CD109: variants seen among roughly 807,000 people sequenced by gnomAD.
The protein encoded by CD109 is CD109 molecule.
CD109 carries 149 observed loss-of-function variants against 165.8 expected under a neutral mutation model. The ratio of observed to expected loss-of-function variants is 0.90; its 90% CI spans 0.79 to 1.03. The LOEUF (loss-of-function observed/expected upper bound fraction) is 1.03. Ranked by LOEUF, CD109 falls within the 50% of genes least tolerant of loss-of-function variation. The pLI, the probability that CD109 is intolerant of heterozygous loss-of-function variation, is 0.00. For missense variants in CD109, 1,712 were observed against 1,677.8 expected, an observed-to-expected ratio of 1.02 and a Z score of -0.36; for synonymous variants, 585 against 592.1, an observed-to-expected ratio of 0.99 and a Z score of 0.18.
In CD109 at chr6:73,737,959, TCCAC is replaced by T. The variant is rs1772609682; in HGVS notation, c.633+1465_633+1468del. Among the ~76,000 whole-genome samples the T allele has an allele frequency of 2.6e-5, 4 of 152,290 alleles. No homozygotes were observed. In the South Asian group the frequency reaches 8.3e-4, roughly 32 times the overall value. On this transcript the variant is annotated intron_variant, in intron 5 of 32. Coordinates refer to ENST00000287097, the MANE Select transcript of CD109 (RefSeq NM_133493.5). ...GTCCATCCATCCATCGATCCTTCTA[TCCAC>T]CCACCCACCCACCAACCCAGTATGT...
intron 2 of CD109, among the ~76,000 whole-genome samples, chr6:73,721,861 C>T (rs901172711): frequency 6.6e-6 from 1 of 152,020 alleles, no homozygotes; most frequent in Non-Finnish European, 1.5e-5. Context: ...CTCAGCTTCC[C>T]AAGTAGCTGG....
At chr6:73,686,004 T>C in the CD109 span, among the ~76,000 whole-genome samples, 68 of 152,372 alleles carry the variant, frequency 4.5e-4, 3 homozygotes, top group South Asian at 0.013. Context: ...ATTCCTGATC[T>C]TAAAGGATAA....
At position 73,811,238 on chromosome 6, in the gene CD109, A is replaced by C. The variant is rs1775749911; in HGVS notation, c.3702+91A>C. On this transcript the variant is annotated intron_variant, in intron 28 of 32. Coordinates refer to ENST00000287097, the MANE Select transcript of CD109 (RefSeq NM_133493.5). ...ATTTGTAATCTGTTGATTTCAACAA[A>C]GACTTGTTTCCAGAGCTCTGTAGAG... 30 of 1,405,870 alleles carry C rather than the reference A, an allele frequency of 2.1e-5. No individual in the cohort carries two copies. The South Asian group carries it at 4.2e-4, about 20-fold the overall frequency. 87.1% of individuals were successfully genotyped at this position (1,405,870 alleles called of 1,614,324 possible). A position where few individuals can be genotyped will look rare whatever the true frequency, so the allele number is the denominator to read the frequency against.
At position 73,823,563 on chromosome 6, in the gene CD109, C is replaced by G. The variant is rs528793943; in HGVS notation, c.4268C>G (p.Ser1423Cys). 1.9e-6 allele frequency: 3 copies of G among 1,613,770 alleles called. No individual in the cohort carries two copies. The South Asian group carries it at 3.3e-5, about 18-fold the overall frequency. Residue 1423 changes from serine to cysteine, a missense_variant, in exon 33 of 33, where the codon TCC (serine) becomes TGC (cysteine). Coordinates refer to ENST00000287097, the MANE Select transcript of CD109 (RefSeq NM_133493.5). ...CRPCEDGASGSHHHSSVIFIF... is the reference protein window; with the variant it reads ...CRPCEDGASGCHHHSSVIFIF... ...CCTTGTGAGGATGGAGCTTCAGGCT[C>G]CCATCATCACTCTTCAGTCATTTTT...
intron 23 of CD109, among the ~76,000 whole-genome samples, chr6:73,799,047 A>G (rs1775273512): frequency 6.6e-6 from 1 of 151,716 alleles, no homozygotes; most frequent in Non-Finnish European, 1.5e-5. Context: ...AACTCTGGCT[A>G]TCTGGAGAAT....
At chr6:73,719,430 G>A (rs543684566) in intron 2 of CD109, among the ~76,000 whole-genome samples, 1 of 152,078 alleles carries the variant, frequency 6.6e-6, no homozygotes, top group Non-Finnish European at 1.5e-5. Flanking sequence ...TGAATTCCAC[G>A]ATTCCTTCTA....
At chr6:73,768,252 G>A (rs752519816) in intron 14 of CD109, 21 bp downstream of exon 14, 13 of 1,439,874 alleles carry the variant, frequency 9.0e-6, no homozygotes, top group Middle Eastern at 2.3e-4. Context: ...AGGTAATGAT[G>A]TTTAAAAGAA....
intron 2 of CD109, among the ~76,000 whole-genome samples, 172 bp downstream of exon 2, chr6:73,697,744 C>G (rs1453924687): frequency 6.6e-6 from 1 of 152,178 alleles, no homozygotes; most frequent in Admixed American, 6.5e-5. Flanking sequence ...GATGCTCTTC[C>G]AAGTGCAGAT....
At chr6:73,791,168 TATATATATAC>T (rs1194613752) in intron 22 of CD109, among the ~76,000 whole-genome samples, 1,475 of 45,292 alleles carry the variant, frequency 0.033, 22 homozygotes, top group Non-Finnish European at 0.043. Context: ...TATATATATA[TATATATATAC>T]ACACACACAC....
chr6:73,750,639 C>G (rs531802813), intron 5 of CD109, among the ~76,000 whole-genome samples: 2 of 152,122 alleles, frequency 1.3e-5, no homozygotes, highest in South Asian at 2.1e-4. Flanking sequence ...ATATAATAGT[C>G]TACAACTTCT....
intron 2 of CD109, among the ~76,000 whole-genome samples, chr6:73,722,572 C>T (rs906054780): frequency 3.9e-5 from 6 of 152,276 alleles, no homozygotes; most frequent in South Asian, 2.1e-4. Context: ...CTAGTTTTTA[C>T]GGGGCCTATT....
At chr6:73,812,433 A>G (rs563159204) in intron 29 of CD109, among the ~76,000 whole-genome samples, 163 bp downstream of exon 29, 2 of 152,218 alleles carry the variant, frequency 1.3e-5, no homozygotes, top group South Asian at 4.1e-4. Context: ...AGTATTAGAG[A>G]TGTTGCCAGC....
chr6:73,802,289 G>GTGTGTGTATATATATATA (rs71542231), intron 23 of CD109, among the ~76,000 whole-genome samples: 3 of 78,206 alleles, frequency 3.8e-5, no homozygotes, highest in African/African-American at 1.2e-4. Flanking sequence ...GTGTGTGTGT[G>GTGTGTGTATATATATATA]TATATATATA....
intron 32 of CD109, 73 bp from the exon 33 acceptor site, chr6:73,823,385 C>A: frequency 1.8e-6 from 2 of 1,120,454 alleles, no homozygotes; most frequent in Non-Finnish European, 1.3e-6. Flanking sequence ...TATCGAAATG[C>A]TCTTATATTT....
intron 30 of CD109, 152 bp downstream of exon 30, chr6:73,815,275 ACT>A: frequency 1.9e-6 from 1 of 539,250 alleles, no homozygotes; most frequent in South Asian, 3.6e-5. Context: ...TAGAAATACT[ACT>A]AATTATATTC....
intron 23 of CD109, among the ~76,000 whole-genome samples, chr6:73,794,550 G>A (rs1200203782): frequency 6.6e-6 from 1 of 152,196 alleles, no homozygotes; most frequent in African/African-American, 2.4e-5. Flanking sequence ...GCTGGAGTCA[G>A]TGTCTGAAGA....
intron 22 of CD109, 30 bp downstream of exon 22, chr6:73,788,642 G>A: frequency 2.6e-6 from 4 of 1,563,254 alleles, no homozygotes; most frequent in Non-Finnish European, 3.5e-6. Flanking sequence ...CCATCTATTG[G>A]TTTAATTGTA....
intron 24 of CD109, among the ~76,000 whole-genome samples, chr6:73,806,239 A>G (rs1369673671): frequency 1.3e-5 from 2 of 152,124 alleles, no homozygotes; most frequent in Non-Finnish European, 2.9e-5. Context: ...GGAAACCATC[A>G]TTCTCAGCAA....
chr6:73,750,432 G>A (rs1188336235), intron 5 of CD109, among the ~76,000 whole-genome samples: 2 of 152,176 alleles, frequency 1.3e-5, no homozygotes, highest in African/African-American at 4.8e-5. Context: ...GATTCAGAGA[G>A]AGTGGCTTTC....
Sources: gnomAD v4.1 joint callset for allele counts (sites outside exome capture counted in the v4.1 genomes callset) on GRCh38, gnomAD v4.1.1 for gene constraint, MANE v1.5 for transcripts, NCBI Gene and HGNC (gene_info 2026-07-23, HGNC 2026-07-21) for gene names.